The following ITGB5 variants were observed in gnomAD, a reference collection of about 807,000 sequenced individuals.
The protein encoded by ITGB5 is integrin beta-5.
A neutral mutation model predicts 84.8 loss-of-function variants in ITGB5; 38 were observed. That is an observed-to-expected ratio of 0.45 (90% CI 0.35 to 0.59). The LOEUF is 0.59. ITGB5 is among the 20% of genes least tolerant of loss of function. The pLI is 0.01. For synonymous variants in ITGB5, 393 were observed against 414.4 expected, an observed-to-expected ratio of 0.95 and a Z score of 0.63; for missense variants, 905 against 1,034.5, an observed-to-expected ratio of 0.87 and a Z score of 1.72.
At position 124,773,087 on chromosome 3, in the gene ITGB5, G is replaced by A. The variant is rs1015359156; in HGVS notation, c.1916+603C>T. On this transcript the variant is annotated intron_variant, in intron 11 of 14. Transcript: ENST00000296181. ...CACCCCGCTAATTTTTGTATTTTTA[G>A]TAGAGACGGGTGTTTCACCATGTTG... Among the ~76,000 whole-genome samples, 24 of 152,092 alleles carry A rather than the reference G, an allele frequency of 1.6e-4. No homozygotes were observed. In the East Asian group the frequency reaches 4.3e-3, roughly 27 times the overall value.
chr3:124,821,855 T>A (rs3755710), intron 5 of ITGB5, among the ~76,000 whole-genome samples: 15,443 of 151,642 alleles, frequency 0.1, 927 homozygotes, highest in South Asian at 0.2. Context: ...GAACAACTTT[T>A]AACCTTTCCC....
In ITGB5 at chr3:124,841,440, C is replaced by T; in HGVS notation, c.723G>A (p.Arg241=). Residue 241 remains arginine (R), a synonymous_variant, in exon 5 of 15, where the codon CGG becomes CGA. Transcript: ENST00000296181. ...AGCCCCCCTCAGGGGCATCTCGGTTCCGGGACACCCTCTGTTTCCGAACTT... is the reference window on the plus strand; with the variant it reads ...AGCCCCCCTCAGGGGCATCTCGGTTTCGGGACACCCTCTGTTTCCGAACTT... ...NEEVRKQRVS[R]NRDAPEGGFD... 1 of 1,614,230 alleles carries T rather than the reference C, an allele frequency of 6.2e-7. No individual in the cohort carries two copies. The highest frequency in any genetic ancestry group is 2.2e-5 in the East Asian group (1 of 44,882).
chr3:124,783,653 AC>A (rs2064038705), intron 10 of ITGB5, among the ~76,000 whole-genome samples: 1 of 152,238 alleles, frequency 6.6e-6, no homozygotes, highest in Non-Finnish European at 1.5e-5. Flanking sequence ...TACCTGAAGA[AC>A]TTAAATGTGA....
intron 10 of ITGB5, among the ~76,000 whole-genome samples, chr3:124,775,366 G>C (rs755904756): frequency 6.6e-6 from 1 of 152,054 alleles, no homozygotes; most frequent in Non-Finnish European, 1.5e-5. Flanking sequence ...GTGTGTGAGT[G>C]CGAGCATCTG....
intron 2 of ITGB5, among the ~76,000 whole-genome samples, chr3:124,860,443 T>A (rs913745424): frequency 2.0e-5 from 3 of 152,236 alleles, no homozygotes; most frequent in African/African-American, 7.2e-5. Context: ...ATCTTTGTTG[T>A]TTGTATGATA....
chr3:124,838,408 T>C (rs2107589185), intron 5 of ITGB5, among the ~76,000 whole-genome samples: 1 of 152,312 alleles, frequency 6.6e-6, no homozygotes, highest in Non-Finnish European at 1.5e-5. Context: ...AAGTATACTG[T>C]CCATATTGTT....
rs1933979407 is a variant in ITGB5 at position 124,870,735 on chromosome 3, A to C, written c.156+2711T>G. On this transcript the variant is annotated intron_variant, in intron 2 of 14. Coordinates refer to ENST00000296181, the MANE Select transcript of ITGB5 (RefSeq NM_002213.5). ...AATGAGACCCCATCTCAAAAGAAAA[A>C]AAAAAAAAAAAACCCCAGTGGAGGG... 2.6e-5 allele frequency among the ~76,000 whole-genome samples: 3 copies of C among 114,372 alleles called. No individual in the cohort carries two copies. The South Asian group carries it at 9.0e-4, about 34-fold the overall frequency. The allele number at this position is 114,372 out of a possible 152,430, so 75.0% of individuals were successfully genotyped here.
At chr3:124,810,519 G>A (rs1479803885) in intron 8 of ITGB5, among the ~76,000 whole-genome samples, 9 of 152,126 alleles carry the variant, frequency 5.9e-5, no homozygotes, top group Admixed American at 3.9e-4. Flanking sequence ...GATCGCTTGA[G>A]CCCAGGAGTT....
chr3:124,886,162 G>C (rs1046165711), intron 1 of ITGB5, among the ~76,000 whole-genome samples: 3 of 152,208 alleles, frequency 2.0e-5, no homozygotes, highest in Non-Finnish European at 4.4e-5. Flanking sequence ...AATCTCCACA[G>C]CCCCTGTCCT....
At chr3:124,811,102 C>A (rs1391155753) in intron 8 of ITGB5, among the ~76,000 whole-genome samples, 2 of 152,116 alleles carry the variant, frequency 1.3e-5, no homozygotes, top group African/African-American at 4.8e-5. Context: ...GTCTTAAATC[C>A]ACTTCCCTTT....
At chr3:124,896,398 A>G (rs2107661761) in intron 1 of ITGB5, among the ~76,000 whole-genome samples, 1 of 152,268 alleles carries the variant, frequency 6.6e-6, no homozygotes, top group South Asian at 2.1e-4. Context: ...CTTATGTTAG[A>G]CTAGACATTC....
intron 13 of ITGB5, among the ~76,000 whole-genome samples, chr3:124,765,799 G>C (rs1437532285): frequency 1.3e-5 from 2 of 152,192 alleles, no homozygotes; most frequent in African/African-American, 4.8e-5. Context: ...GCTCAAACCT[G>C]TAATCCTAGC....
intron 8 of ITGB5, among the ~76,000 whole-genome samples, chr3:124,815,342 A>G (rs1559948765): frequency 1.3e-5 from 2 of 152,236 alleles, no homozygotes; most frequent in East Asian, 1.9e-4. Flanking sequence ...TCACCAGCCA[A>G]TGCTCTTGGG....
chr3:124,803,882 C>T (rs1463580261), intron 9 of ITGB5, among the ~76,000 whole-genome samples: 2 of 152,178 alleles, frequency 1.3e-5, no homozygotes, highest in African/African-American at 4.8e-5. Context: ...ATTTTCATGT[C>T]GACACTTCAG....
intron 2 of ITGB5, chr3:124,862,990 A>G (rs2065326708): frequency 1.3e-5 from 2 of 152,358 alleles, no homozygotes; most frequent in Non-Finnish European, 2.9e-5. Flanking sequence ...TCCTATTCTC[A>G]GCAACTCCAG....
intron 10 of ITGB5, chr3:124,781,186 C>A: frequency 6.6e-6 from 1 of 152,150 alleles, no homozygotes; most frequent in South Asian, 2.1e-4. Context: ...TCTGGAGCAC[C>A]AGAGCCAGAC....
rs1053449685 is a variant in ITGB5 at position 124,900,701 on chromosome 3, C to T, written c.-255+565G>A. 3.9e-5 allele frequency among the ~76,000 whole-genome samples: 6 copies of T among 152,286 alleles called. No homozygotes were observed. The East Asian group carries it at 5.8e-4, about 15-fold the overall frequency. ...TCAATTAATGGCAAACTGGAGTTCT[C>T]GGAGAACCCTCAGGGAAAACCCAGA... On this transcript the variant is annotated intron_variant, in intron 1 of 4. Coordinates refer to the ITGB5 transcript ENST00000608657.
chr3:124,859,323 G>C lies in ITGB5; in HGVS notation c.280C>G (p.Leu94Val), dbSNP rs181571132. The stretch of plus-strand genomic sequence containing the variant: ...GCAGAGCCCGAACCCTTGCTGCTGA[G>C]GGGCAGGCTCCTCAGGACATGGAAG... ...SSFHVLRSLP[L>V]SSKGSGSAGW... Residue 94 changes from leucine to valine, a missense_variant, in exon 3 of 15, where the codon CTC (leucine) becomes GTC (valine). Leu to Val is a conservative substitution (Grantham distance 32). Coordinates refer to ENST00000296181, the MANE Select transcript of ITGB5 (RefSeq NM_002213.5). 7.1e-5 allele frequency: 115 copies of C among 1,614,168 alleles called. 1 individual carries two copies. The South Asian group carries it at 8.5e-4, about 12-fold the overall frequency.
At position 124,763,611 on chromosome 3, in the gene ITGB5, G is replaced by C. The variant is rs753371503; in HGVS notation, c.*12C>G. On this transcript the variant is annotated 3_prime_UTR_variant, in exon 15 of 15. Transcript: ENST00000296181. ...ATCAGATCCCCGCTCCAGCCCCTCG[G>C]AGAAGGAAACATCAGTCCACAGTGC... 1.9e-6 allele frequency: 3 copies of C among 1,538,610 alleles called. No individual in the cohort carries two copies. Among genetic ancestry groups the C allele is most frequent in the Non-Finnish European group, 2.7e-6 (3 of 1,110,952 alleles).
Sources: allele counts gnomAD v4.1 joint callset (sites outside exome capture counted in the v4.1 genomes callset), GRCh38; gene constraint gnomAD v4.1.1; transcripts MANE v1.5; gene names NCBI Gene and HGNC (gene_info 2026-07-23, HGNC 2026-07-21).